The following FKBP11 variants were observed in gnomAD, a reference collection of about 807,000 sequenced individuals.
The protein encoded by FKBP11 is peptidyl-prolyl cis-trans isomerase FKBP11.
A neutral mutation model predicts 24.7 loss-of-function variants in FKBP11; 21 were observed. The observed-to-expected ratio is 0.85, with a 90% CI of 0.60 to 1.23. The LOEUF is 1.23. Ranked by LOEUF, FKBP11 falls within the 50% of genes most tolerant of loss-of-function variation. The pLI, the probability that FKBP11 is intolerant of heterozygous loss-of-function variation, is 0.00. For missense variants in FKBP11, 245 were observed against 248.7 expected (o/e 0.99, Z 0.10); for synonymous variants, 106 against 100.6 (o/e 1.05, Z -0.32).
Position 48,922,033 on chromosome 12 carries a change from G to A in FKBP11, c.557C>T (p.Ser186Phe), listed in dbSNP as rs78655045. The A allele has an allele frequency of 6.2e-7, 1 of 1,611,630 alleles. No individual in the cohort carries two copies. The highest frequency in any genetic ancestry group is 1.3e-5 in the African/African-American group (1 of 74,788). The stretch of plus-strand genomic sequence containing the variant: ...TTTCTCTTCCTTGAGCTTCTTTTTG[G>A]AGACTTTGGGTCTATTGGCCTTTCT... Reference protein sequence around the residue: ...LYRKANRPKVSKKKLKEEKRN... With the variant: ...LYRKANRPKVFKKKLKEEKRN... The change falls in exon 6 of 6, where the codon TCC becomes TTC. Residue 186 changes from serine (S) to phenylalanine (F), a missense_variant. By Grantham distance (155) the Ser-to-Phe change is radical. Coordinates refer to ENST00000550765, the MANE Select transcript of FKBP11 (RefSeq NM_016594.3).
the FKBP11 span, among the ~76,000 whole-genome samples, chr12:48,934,661 C>G: frequency 1.7e-4 from 26 of 152,186 alleles, no homozygotes; most frequent in Non-Finnish European, 3.7e-4. Context: ...AGCTAAAGTC[C>G]TCTCCCTTAT....
At chr12:48,928,327 C>T (rs1163804627), upstream of FKBP11, among the ~76,000 whole-genome samples, 2 of 151,038 alleles carry the variant, frequency 1.3e-5, no homozygotes, top group Admixed American at 1.3e-4. Flanking sequence ...TTACAGGCAT[C>T]AGTCACCACG....
intron 2 of FKBP11, 32 bp downstream of exon 2, chr12:48,925,014 C>CA: frequency 6.4e-7 from 1 of 1,562,254 alleles, no homozygotes; most frequent in Admixed American, 1.7e-5. Flanking sequence ...CGCCCCCTCC[C>CA]AGGCCCCGCC....
chr12:48,923,374 T>G, intron 5 of FKBP11: 1 of 1,445,872 alleles, frequency 6.9e-7, no homozygotes, highest in Non-Finnish European at 9.1e-7. Flanking sequence ...CACTTGACTG[T>G]GATTATTTTT....
upstream of FKBP11, among the ~76,000 whole-genome samples, chr12:48,929,436 C>A (rs1466411607): frequency 6.6e-6 from 1 of 152,020 alleles, no homozygotes; most frequent in African/African-American, 2.4e-5. Context: ...TGACAGAGAC[C>A]TTGTCTCAAA....
At chr12:48,922,330 G>A (rs1939855515) in intron 5 of FKBP11, 129 bp from the exon 6 acceptor site, 1 of 875,432 alleles carries the variant, frequency 1.1e-6, no homozygotes, top group South Asian at 2.0e-5. Flanking sequence ...ATTTAAATGT[G>A]GGCTTGAATT....
chr12:48,933,993 A>G, the FKBP11 span, among the ~76,000 whole-genome samples: 13 of 152,280 alleles, frequency 8.5e-5, no homozygotes, highest in East Asian at 2.5e-3. Flanking sequence ...AGATGTCCCA[A>G]AAGGATTCCA....
intron 2 of FKBP11, 166 bp downstream of exon 2, chr12:48,924,880 A>C: frequency 6.9e-7 from 1 of 1,444,264 alleles, no homozygotes; most frequent in Non-Finnish European, 9.1e-7. Context: ...AGGAGGGAAA[A>C]GAGGCACGGA....
Position 48,924,123 on chromosome 12 carries a change from C to T in FKBP11, c.317+100G>A. 2.2e-6 allele frequency: 3 copies of T among 1,391,104 alleles called. No individual in the cohort carries two copies. In the South Asian group the frequency reaches 3.5e-5, roughly 16 times the overall value. The allele number at this position is 1,391,104 out of a possible 1,614,324, so 86.2% of individuals were successfully genotyped here. A position where few individuals can be genotyped will look rare whatever the true frequency, so the allele number is the denominator to read the frequency against. On this transcript the variant is annotated intron_variant, in intron 4 of 5. Transcript: ENST00000550765. ...GGACCTGTCCAGTGGGAAGCAGGGT[C>T]CTTTATTCCACATTCTCCTGCTTAA... is the stretch of plus-strand genomic sequence containing the variant.
At chr12:48,927,123 A>C (rs766621290), upstream of FKBP11, among the ~76,000 whole-genome samples, 5 of 152,144 alleles carry the variant, frequency 3.3e-5, no homozygotes, top group Non-Finnish European at 7.3e-5. Flanking sequence ...TCTTAACTGT[A>C]CTCATTCTTC....
the FKBP11 span, among the ~76,000 whole-genome samples, chr12:48,933,741 C>G: frequency 6.7e-6 from 1 of 149,776 alleles, no homozygotes; most frequent in African/African-American, 2.5e-5. Flanking sequence ...GGTGTGCACT[C>G]ATAATCCCAG....
At chr12:48,925,009 C>CCG in intron 2 of FKBP11, 37 bp downstream of exon 2, 5 of 1,582,776 alleles carry the variant, frequency 3.2e-6, no homozygotes, top group Non-Finnish European at 2.6e-6. Context: ...GGCGCCGCCC[C>CCG]CTCCCAGGCC....
Position 48,925,295 on chromosome 12 carries a change from C to T in FKBP11, c.129+5G>A, listed in dbSNP as rs750527804. The T allele has an allele frequency of 3.3e-5, 53 of 1,612,172 alleles. No individual in the cohort carries two copies. The highest frequency in any genetic ancestry group is 4.5e-5 in the Non-Finnish European group (53 of 1,179,496). Reference sequence around the variant, plus strand: ...GGGGGCTGAGGGTCGGGACTATCTCCTCACCAGGGTCTCCACTTGGAGGGT... The same window carrying T: ...GGGGGCTGAGGGTCGGGACTATCTCTTCACCAGGGTCTCCACTTGGAGGGT... On this transcript the variant is annotated splice_donor_5th_base_variant and intron_variant, in intron 1 of 5. Transcript: ENST00000550765.
chr12:48,928,431 G>A (rs966925762), upstream of FKBP11, among the ~76,000 whole-genome samples: 7 of 150,932 alleles, frequency 4.6e-5, no homozygotes, highest in Admixed American at 2.7e-4. Flanking sequence ...TGCAACCTCC[G>A]CCTCCTGAGT....
upstream of FKBP11, chr12:48,925,580 T>C (rs929012544): frequency 5.0e-5 from 49 of 987,740 alleles, 1 homozygote; most frequent in Middle Eastern, 3.3e-4. Context: ...TTCCTCCACC[T>C]TGTCCCCACC....
At chr12:48,931,571 C>G in the FKBP11 span, 2 of 1,087,964 alleles carry the variant, frequency 1.8e-6, no homozygotes, top group Admixed American at 4.5e-5. Context: ...AATCACAGAA[C>G]CATTGCTAGA....
intron 5 of FKBP11, chr12:48,922,729 G>A (rs1939863841): frequency 1.0e-6 from 1 of 994,376 alleles, no homozygotes; most frequent in Non-Finnish European, 1.2e-6. Context: ...ACAGAAATGA[G>A]TGGGCAGAAG....
the FKBP11 span, chr12:48,938,384 G>A: frequency 2.0e-5 from 9 of 454,204 alleles, no homozygotes; most frequent in East Asian, 4.2e-4. Context: ...GCTCCAGTGG[G>A]CAGTGTCCTG....
In FKBP11 at chr12:48,925,399, G is replaced by A. The variant is rs1489720089; in HGVS notation, c.30C>T (p.Leu10=). ...TGAGCAGCAGCAGCAGCAGCAGATG[G>A]AGCGGGAGGAGTGAGGGGCGCAGGG... is the stretch of plus-strand genomic sequence containing the variant. MTLRPSLLP[L]HLLLLLLLSA... Residue 10 remains leucine, a synonymous_variant, in exon 1 of 6, where the codon CTC becomes CTT. Transcript: ENST00000550765. 1.0e-5 allele frequency: 16 copies of A among 1,585,152 alleles called. No individual in the cohort carries two copies. Among genetic ancestry groups the A allele is most frequent in the African/African-American group, 1.3e-5 (1 of 74,864 alleles).
Sources: allele counts gnomAD v4.1 joint callset (sites outside exome capture counted in the v4.1 genomes callset), GRCh38; gene constraint gnomAD v4.1.1; transcripts MANE v1.5; gene names NCBI Gene and HGNC (gene_info 2026-07-23, HGNC 2026-07-21).